Variants in CDH19 observed in about 807,000 individuals in gnomAD.
CDH19 encodes cadherin-19.
A neutral mutation model predicts 64.2 loss-of-function variants in CDH19; 67 were observed. The ratio of observed to expected loss-of-function variants is 1.04; its 90% CI spans 0.86 to 1.28. The LOEUF (loss-of-function observed/expected upper bound fraction) is 1.28. Ranked by LOEUF, CDH19 falls within the 50% of genes most tolerant of loss-of-function variation. The probability of loss-of-function intolerance (pLI) is 0.00; values close to 1 mark genes in which losing one functional copy is unlikely to be tolerated. For synonymous variants in CDH19, 346 were observed against 319.3 expected (o/e 1.08, Z -0.89); for missense variants, 1,030 against 929.0 (o/e 1.11, Z -1.41).
chr18:66,564,055 G>A (rs1428194395), intron 3 of CDH19, among the ~76,000 whole-genome samples: 2 of 151,788 alleles, frequency 1.3e-5, no homozygotes, highest in African/African-American at 2.4e-5. Flanking sequence ...ATTCACAAAT[G>A]TGATAAATTT....
chr18:66,573,333 T>G (rs1250585487), intron 1 of CDH19, among the ~76,000 whole-genome samples: 1 of 151,670 alleles, frequency 6.6e-6, no homozygotes, highest in African/African-American at 2.4e-5. Flanking sequence ...TTTGAATGAC[T>G]CCTTAGAGAT....
In CDH19 at chr18:66,544,117, G is replaced by C. The variant is rs757340013; in HGVS notation, c.1068C>G (p.Phe356Leu). ...MKYHTEASTT[F>L]IKIQVEDVDE... is the part of the protein sequence containing the mutation. Reference sequence around the variant, plus strand: ...CAACATCTTCCACCTGGATCTTAATGAAAGTGGTGGAAGCCTCAGTGTGGT... The same window carrying C: ...CAACATCTTCCACCTGGATCTTAATCAAAGTGGTGGAAGCCTCAGTGTGGT... The change falls in exon 7 of 12, where the codon TTC (phenylalanine) becomes TTG (leucine). Residue 356 changes from phenylalanine (F) to leucine (L), a missense_variant. Phe to Leu is a conservative substitution (Grantham distance 22, BLOSUM62 0). Coordinates refer to ENST00000262150, the MANE Select transcript of CDH19 (RefSeq NM_021153.4). The C allele has an allele frequency of 6.8e-6, 11 of 1,614,028 alleles. No individual in the cohort carries two copies. In the South Asian group the frequency reaches 1.2e-4, roughly 18 times the overall value.
chr18:66,512,180 A>C (rs1323195219), intron 9 of CDH19, among the ~76,000 whole-genome samples: 1 of 151,630 alleles, frequency 6.6e-6, no homozygotes, highest in Non-Finnish European at 1.5e-5. Flanking sequence ...ATGCATTTAA[A>C]ATGTAGGGGC....
chr18:66,558,307 T>A (rs1420092001), intron 3 of CDH19, among the ~76,000 whole-genome samples: 1 of 151,526 alleles, frequency 6.6e-6, no homozygotes, highest in East Asian at 1.9e-4. Context: ...ATCTTAGCAA[T>A]GCTCGATTTT....
intron 1 of CDH19, among the ~76,000 whole-genome samples, chr18:66,591,483 T>C (rs1427054563): frequency 2.0e-5 from 3 of 151,868 alleles, no homozygotes; most frequent in Non-Finnish European, 1.5e-5. Context: ...TGATTTTAGG[T>C]GTATACACCG....
chr18:66,595,525 A>C (rs1321836498), intron 1 of CDH19, among the ~76,000 whole-genome samples: 2 of 150,914 alleles, frequency 1.3e-5, no homozygotes, highest in East Asian at 3.9e-4. Context: ...AAAAAAAAAA[A>C]AAAAAAAAAC....
intron 4 of CDH19, among the ~76,000 whole-genome samples, chr18:66,551,691 T>C (rs1987349996): frequency 6.6e-6 from 1 of 152,062 alleles, no homozygotes; most frequent in South Asian, 2.1e-4. Flanking sequence ...TATTTTGAAG[T>C]CTACTTAGAA....
At chr18:66,535,190 A>G in intron 7 of CDH19, 83 bp from the exon 8 acceptor site, 16 of 719,214 alleles carry the variant, frequency 2.2e-5, no homozygotes, top group South Asian at 9.4e-5. Context: ...GCAATAAGAC[A>G]TCTTATTCAA....
chr18:66,538,577 A>C (rs1986765398), intron 7 of CDH19, among the ~76,000 whole-genome samples: 2 of 152,116 alleles, frequency 1.3e-5, no homozygotes. Flanking sequence ...ATCATGTATA[A>C]AGCTGCCATA....
At chr18:66,539,262 AT>A (rs564997946) in intron 7 of CDH19, among the ~76,000 whole-genome samples, 1 of 152,054 alleles carries the variant, frequency 6.6e-6, no homozygotes, top group Non-Finnish European at 1.5e-5. Context: ...GTATGTTTTT[AT>A]TTCTTTTTCT....
rs926818694 is a variant in CDH19, at chr18:66,568,832, A to G, written c.196-122T>C. ...GTTAATGATTTTATATTATTTCCAC[A>G]TTACATTAAATGAGGCAAAATATTA... On this transcript the variant is annotated intron_variant, in intron 2 of 11. Coordinates refer to ENST00000262150, the MANE Select transcript of CDH19 (RefSeq NM_021153.4). The G allele has an allele frequency of 3.9e-5, 30 of 770,520 alleles. No homozygotes were observed. In the South Asian group the frequency reaches 5.4e-4, roughly 14 times the overall value. The allele number at this position is 770,520 out of a possible 1,614,324, so 47.7% of individuals were successfully genotyped here. A position where few individuals can be genotyped will look rare whatever the true frequency, so the allele number is the denominator to read the frequency against.
chr18:66,541,485 GATAA>G lies in CDH19; in HGVS notation c.1214+2482_1214+2485del, dbSNP rs1018155585. On this transcript the variant is annotated intron_variant, in intron 7 of 11. Coordinates refer to ENST00000262150, the MANE Select transcript of CDH19 (RefSeq NM_021153.4). ...ATCTTTTGCTTACAAAGAAAAAAGA[GATAA>G]ATAAAGAAAACCAAAAAGAAGCCTC... is the stretch of plus-strand genomic sequence containing the variant. Among the ~76,000 whole-genome samples the G allele has an allele frequency of 5.3e-5, 8 of 152,184 alleles. No homozygotes were observed. In the East Asian group the frequency reaches 9.6e-4, roughly 18 times the overall value.
intron 1 of CDH19, among the ~76,000 whole-genome samples, chr18:66,583,910 T>C (rs1365649720): frequency 6.6e-6 from 1 of 151,846 alleles, no homozygotes; most frequent in Admixed American, 6.6e-5. Context: ...TGGAAGACAA[T>C]CTAGGCAATA....
At chr18:66,597,854 G>T (rs937780518) in intron 1 of CDH19, among the ~76,000 whole-genome samples, 1 of 151,956 alleles carries the variant, frequency 6.6e-6, no homozygotes. Flanking sequence ...AGAACACCTG[G>T]ACACAAGAAG....
At chr18:66,602,037 T>C (rs770822875) in intron 1 of CDH19, among the ~76,000 whole-genome samples, 1 of 152,006 alleles carries the variant, frequency 6.6e-6, no homozygotes, top group South Asian at 2.1e-4. Flanking sequence ...AAGATACAGG[T>C]GATAGAAGAT....
At chr18:66,510,757 C>A (rs374741652) in intron 10 of CDH19, among the ~76,000 whole-genome samples, 1 of 151,126 alleles carries the variant, frequency 6.6e-6, no homozygotes. Context: ...GTTTCCTCCC[C>A]GGGGGAATTT....
chr18:66,547,173 G>A (rs1987147410), intron 5 of CDH19, among the ~76,000 whole-genome samples: 1 of 152,148 alleles, frequency 6.6e-6, no homozygotes, highest in South Asian at 2.1e-4. Flanking sequence ...CAAAGTGCTA[G>A]GGATGGAGTT....
At chr18:66,553,130 T>C (rs1279068920) in intron 4 of CDH19, among the ~76,000 whole-genome samples, 2 of 134,740 alleles carry the variant, frequency 1.5e-5, no homozygotes, top group East Asian at 3.9e-4. Flanking sequence ...TACAGTGGAA[T>C]GTATGTGTGT....
chr18:66,555,821 C>T (rs1450594437), intron 3 of CDH19, among the ~76,000 whole-genome samples: 8 of 151,726 alleles, frequency 5.3e-5, no homozygotes, highest in South Asian at 2.1e-4. Flanking sequence ...TTCTATGCAC[C>T]GATCCACTTA....
Sources: gnomAD v4.1 joint callset for allele counts (sites outside exome capture counted in the v4.1 genomes callset) on GRCh38, gnomAD v4.1.1 for gene constraint, MANE v1.5 for transcripts, NCBI Gene and HGNC (gene_info 2026-07-23, HGNC 2026-07-21) for gene names.